Variants in MTSS1 observed in about 807,000 individuals in gnomAD.
The protein encoded by MTSS1 is protein MTSS 1.
A neutral mutation model predicts 79.0 loss-of-function variants in MTSS1; 18 were observed. The ratio of observed to expected loss-of-function variants is 0.23; its 90% CI spans 0.16 to 0.34. MTSS1 has a LOEUF of 0.34. Ranked by LOEUF, MTSS1 falls within the 10% of genes least tolerant of loss-of-function variation. The pLI is 1.00. For synonymous variants in MTSS1, 341 were observed against 368.6 expected (o/e 0.93, Z 0.86); for missense variants, 815 against 986.2 (o/e 0.83, Z 2.33).
chr8:124,653,615 T>C (rs1446135197), intron 3 of MTSS1, among the ~76,000 whole-genome samples: 1 of 152,160 alleles, frequency 6.6e-6, no homozygotes, highest in Non-Finnish European at 1.5e-5. Flanking sequence ...TCCCAGCTAC[T>C]TGGGAGGCTG....
chr8:124,568,592 G>A, intron 6 of MTSS1, 56 bp from the exon 7 acceptor site: 16 of 1,610,568 alleles, frequency 9.9e-6, no homozygotes, highest in Non-Finnish European at 1.4e-5. Context: ...TCTGGAACAA[G>A]TGCCCCTCCT....
chr8:124,663,094 G>T (rs1351256404), intron 3 of MTSS1, among the ~76,000 whole-genome samples: 2 of 152,188 alleles, frequency 1.3e-5, no homozygotes, highest in Non-Finnish European at 2.9e-5. Context: ...CAGCTGCCTG[G>T]CTGGGTTCTG....
chr8:124,551,961 A>T lies in MTSS1; in HGVS notation c.*1031T>A, dbSNP rs1357482157. Reference sequence around the variant, plus strand: ...TTGTCAAATCTGTTCGAGTTTTTTCAAAATACTTGGGCTTTTTAACGCACC... The same window carrying T: ...TTGTCAAATCTGTTCGAGTTTTTTCTAAATACTTGGGCTTTTTAACGCACC... On this transcript the variant is annotated 3_prime_UTR_variant, in exon 14 of 14. Transcript: ENST00000518547. The T allele has an allele frequency of 6.5e-6, 1 of 152,676 alleles. No individual in the cohort carries two copies. The highest frequency in any genetic ancestry group is 2.4e-5 in the African/African-American group (1 of 41,464). The allele number at this position is 152,676 out of a possible 1,614,324, so 9.5% of individuals were successfully genotyped here. A position where few individuals can be genotyped will look rare whatever the true frequency, so the allele number is the denominator to read the frequency against.
At chr8:124,629,881 A>G (rs1815565568) in intron 3 of MTSS1, among the ~76,000 whole-genome samples, 1 of 152,210 alleles carries the variant, frequency 6.6e-6, no homozygotes, top group African/African-American at 2.4e-5. Flanking sequence ...TCATCTTTTA[A>G]AAACATATCA....
At chr8:124,635,973 A>G (rs1471708987) in intron 3 of MTSS1, among the ~76,000 whole-genome samples, 2 of 152,176 alleles carry the variant, frequency 1.3e-5, no homozygotes, top group Non-Finnish European at 2.9e-5. Context: ...CAGCTCTCTA[A>G]CATTAAAAGA....
At chr8:124,621,979 A>G (rs1323456878) in intron 3 of MTSS1, among the ~76,000 whole-genome samples, 5 of 152,084 alleles carry the variant, frequency 3.3e-5, no homozygotes, top group Non-Finnish European at 7.4e-5. Flanking sequence ...TCAGTGATGC[A>G]CCAGCACGAG....
At chr8:124,591,052 A>G in intron 4 of MTSS1, 99 bp downstream of exon 4, 1 of 1,004,746 alleles carries the variant, frequency 1.0e-6, no homozygotes, top group Non-Finnish European at 1.6e-6. Context: ...CAAGTCAGAC[A>G]GATTGTGGGG....
At chr8:124,572,141 T>G (rs895897463) in intron 6 of MTSS1, among the ~76,000 whole-genome samples, 2 of 152,172 alleles carry the variant, frequency 1.3e-5, no homozygotes, top group African/African-American at 4.8e-5. Context: ...CTGAACCCAG[T>G]GTTATCTAAT....
At chr8:124,701,608 C>G (rs550614322) in intron 2 of MTSS1, among the ~76,000 whole-genome samples, 1 of 152,194 alleles carries the variant, frequency 6.6e-6, no homozygotes, top group Non-Finnish European at 1.5e-5. Context: ...TGGATTTATT[C>G]TCATCCAACT....
chr8:124,657,260 G>A (rs1297761858), intron 3 of MTSS1, among the ~76,000 whole-genome samples: 1 of 152,090 alleles, frequency 6.6e-6, no homozygotes, highest in African/African-American at 2.4e-5. Context: ...AAGGGGTTGG[G>A]CTGGGGGGCA....
intron 3 of MTSS1, among the ~76,000 whole-genome samples, chr8:124,657,937 A>C (rs1323849503): frequency 6.6e-6 from 1 of 152,098 alleles, no homozygotes; most frequent in Non-Finnish European, 1.5e-5. Context: ...AGCCTTTGGG[A>C]GGTAATTAGG....
At chr8:124,692,029 A>ATT (rs540850674) in intron 3 of MTSS1, among the ~76,000 whole-genome samples, 20 of 136,354 alleles carry the variant, frequency 1.5e-4, no homozygotes, top group South Asian at 2.4e-4. Context: ...AATTACCCTG[A>ATT]TTTTTTTTTT....
chr8:124,631,840 C>A (rs1050754688), intron 3 of MTSS1, among the ~76,000 whole-genome samples: 20 of 152,226 alleles, frequency 1.3e-4, no homozygotes, highest in Admixed American at 3.9e-4. Flanking sequence ...GGCAGCAAAG[C>A]TCAGGCTTCC....
chr8:124,654,080 G>A (rs7824860), intron 3 of MTSS1, among the ~76,000 whole-genome samples: 1,603 of 152,238 alleles, frequency 0.011, 11 homozygotes, highest in Non-Finnish European at 0.017. Context: ...TTCTGGAAAC[G>A]TCTTACTGCT....
chr8:124,712,989 C>G (rs1407323443), intron 1 of MTSS1, among the ~76,000 whole-genome samples: 1 of 152,202 alleles, frequency 6.6e-6, no homozygotes, highest in Non-Finnish European at 1.5e-5. Flanking sequence ...AATAACCAAA[C>G]AAATATGTCA....
chr8:124,565,875 G>T, intron 8 of MTSS1, 116 bp from the exon 9 acceptor site: 1 of 789,936 alleles, frequency 1.3e-6, no homozygotes, highest in Admixed American at 3.1e-5. Flanking sequence ...GGGAATGAAA[G>T]CAAAACATGT....
At chr8:124,721,411 ATTTTTTT>A (rs71289689) in intron 1 of MTSS1, among the ~76,000 whole-genome samples, 1 of 127,238 alleles carries the variant, frequency 7.9e-6, no homozygotes, top group Admixed American at 8.4e-5. Context: ...TTTAACTCTA[ATTTTTTT>A]TTTTTTTTTT....
intron 6 of MTSS1, among the ~76,000 whole-genome samples, chr8:124,569,098 G>A (rs776664545): frequency 3.4e-4 from 51 of 152,218 alleles, no homozygotes; most frequent in Admixed American, 3.3e-4. Context: ...CTAGTGGAGA[G>A]TCTTGAATGC....
intron 3 of MTSS1, among the ~76,000 whole-genome samples, chr8:124,694,133 A>G (rs1452962904): frequency 6.6e-6 from 1 of 152,178 alleles, no homozygotes; most frequent in Non-Finnish European, 1.5e-5. Context: ...TAATGCATTC[A>G]GAATCAAAAT....
Sources: allele counts gnomAD v4.1 joint callset (sites outside exome capture counted in the v4.1 genomes callset), GRCh38; gene constraint gnomAD v4.1.1; transcripts MANE v1.5; gene names NCBI Gene and HGNC (gene_info 2026-07-23, HGNC 2026-07-21).